USP34: variants seen among roughly 807,000 people sequenced by gnomAD.
USP34 encodes ubiquitin carboxyl-terminal hydrolase 34.
Under a neutral mutation model 460.3 loss-of-function variants are expected in USP34, and 70 were observed. The ratio of observed to expected loss-of-function variants is 0.15; its 90% CI spans 0.13 to 0.19. The LOEUF (loss-of-function observed/expected upper bound fraction) is 0.19. USP34 is among the 10% of genes least tolerant of loss of function. USP34 has a pLI of 1.00. For missense variants in USP34, 3,985 were observed against 4,236.2 expected, an observed-to-expected ratio of 0.94 and a Z score of 1.65; for synonymous variants, 1,647 against 1,405.3, an observed-to-expected ratio of 1.17 and a Z score of -3.85.
At chr2:61,431,875 GATAA>G (rs1337107106) in intron 1 of USP34, among the ~76,000 whole-genome samples, 1 of 151,794 alleles carries the variant, frequency 6.6e-6, no homozygotes, top group Admixed American at 6.6e-5. Flanking sequence ...ATAAATAAAA[GATAA>G]ATAAATAGCA....
intron 3 of USP34, among the ~76,000 whole-genome samples, chr2:61,399,680 G>T (rs889851628): frequency 6.6e-6 from 1 of 151,842 alleles, no homozygotes; most frequent in African/African-American, 2.4e-5. Flanking sequence ...AGATCACCCT[G>T]TCCAACACAG....
intron 23 of USP34, 66 bp from the exon 24 acceptor site, chr2:61,315,040 A>G (rs2103682301): frequency 8.3e-7 from 1 of 1,197,686 alleles, no homozygotes. Flanking sequence ...TTAAGACTGA[A>G]GTATCAAAAG....
At chr2:61,303,415 C>T (rs1690291525) in intron 27 of USP34, among the ~76,000 whole-genome samples, 1 of 152,004 alleles carries the variant, frequency 6.6e-6, no homozygotes, top group Non-Finnish European at 1.5e-5. Flanking sequence ...GATTTAGTGT[C>T]CTATTCATCA....
Position 61,470,954 on chromosome 2 carries a change from A to G in USP34, c.-262T>C, listed in dbSNP as rs1423664895. Among the ~76,000 whole-genome samples the G allele has an allele frequency of 5.0e-5, 2 of 39,928 alleles. No individual in the cohort carries two copies. Among genetic ancestry groups the G allele is most frequent in the African/African-American group, 1.0e-4 (1 of 9,862 alleles). The allele number at this position is 39,928 out of a possible 152,430, so 26.2% of individuals were successfully genotyped here. A position where few individuals can be genotyped will look rare whatever the true frequency, so the allele number is the denominator to read the frequency against. On this transcript the variant is annotated 5_prime_UTR_variant, in exon 1 of 80. Transcript: ENST00000398571. Reference sequence around the variant, plus strand: ...GGCGCCGAGGCGCCGGCGGCGGGGAAGGGGGGGAAGGACGGGGGGAGGGGA... The same window carrying G: ...GGCGCCGAGGCGCCGGCGGCGGGGAGGGGGGGGAAGGACGGGGGGAGGGGA...
intron 53 of USP34, among the ~76,000 whole-genome samples, chr2:61,239,612 G>T (rs558803036): frequency 1.3e-5 from 2 of 152,182 alleles, no homozygotes; most frequent in East Asian, 3.9e-4. Flanking sequence ...CAAATCTAAT[G>T]AAGCCATTTA....
At chr2:61,436,721 T>C (rs553079344) in intron 1 of USP34, among the ~76,000 whole-genome samples, 11 of 152,214 alleles carry the variant, frequency 7.2e-5, no homozygotes, top group African/African-American at 1.7e-4. Flanking sequence ...TTTCACCTAA[T>C]AGCAGCAGAA....
At chr2:61,378,239 G>C (rs1692853103) in intron 8 of USP34, 124 bp downstream of exon 8, 1 of 667,442 alleles carries the variant, frequency 1.5e-6, no homozygotes, top group African/African-American at 1.9e-5. Flanking sequence ...ATGAAGAACT[G>C]TACACAATGT....
intron 67 of USP34, among the ~76,000 whole-genome samples, chr2:61,217,357 T>C (rs979820893): frequency 3.9e-5 from 6 of 152,226 alleles, no homozygotes; most frequent in African/African-American, 9.6e-5. Flanking sequence ...CTTTTCTCTA[T>C]ATTAAAAGTT....
chr2:61,386,289 A>C (rs902897326), intron 5 of USP34, among the ~76,000 whole-genome samples: 2 of 152,174 alleles, frequency 1.3e-5, no homozygotes, highest in African/African-American at 4.8e-5. Context: ...CTGTGCAACA[A>C]AAGTAGAACT....
chr2:61,314,825 A>G (rs771661725), intron 24 of USP34, 50 bp downstream of exon 24: 1 of 1,594,940 alleles, frequency 6.3e-7, no homozygotes, highest in South Asian at 1.1e-5. Flanking sequence ...AGTTTCACAA[A>G]ACACCCTCAC....
chr2:61,406,020 C>T lies in USP34; in HGVS notation c.240G>A (p.Gln80=). 6.2e-7 allele frequency: 1 copy of T among 1,613,760 alleles called. No individual in the cohort carries two copies. The highest frequency in any genetic ancestry group is 8.5e-7 in the Non-Finnish European group (1 of 1,179,962). ...TAATGGTAGTACAATGTTTACAAAG[C>T]TGGTCCCGGAGCACTTGAACTTGGG... is the stretch of plus-strand genomic sequence containing the variant. The part of the protein sequence containing the change: ...VIAQVQVLRD[Q]LCKHCTTINI... The change falls in exon 3 of 80, where the codon CAG becomes CAA. Residue 80 remains glutamine, a synonymous_variant. Coordinates refer to ENST00000398571, the MANE Select transcript of USP34 (RefSeq NM_014709.4).
In USP34 at chr2:61,214,432, C is replaced by T. The variant is rs761171404; in HGVS notation, c.8310G>A (p.Leu2770=). 11 of 1,614,084 alleles carry T rather than the reference C, an allele frequency of 6.8e-6. No individual in the cohort carries two copies. In the African/African-American group the frequency reaches 1.1e-4, roughly 16 times the overall value. ...TYCLISKTEK[L]MFSTYFMDLW... is the part of the protein sequence containing the mutation. ...AATCCATGAAATATGTGGAAAACAT[C>T]AGCTTCTCAGTTTTGGAAATTAAAC... Residue 2770 remains leucine, a synonymous_variant, in exon 68 of 80, where the codon CTG becomes CTA. Coordinates refer to ENST00000398571, the MANE Select transcript of USP34 (RefSeq NM_014709.4).
chr2:61,264,942 C>T (rs1327528103), intron 43 of USP34, among the ~76,000 whole-genome samples: 1 of 152,088 alleles, frequency 6.6e-6, no homozygotes, highest in African/African-American at 2.4e-5. Flanking sequence ...TGAAGCAGAG[C>T]TTACACAAAC....
At chr2:61,442,406 C>CAAAAAAAAAA (rs70963430) in intron 1 of USP34, among the ~76,000 whole-genome samples, 1 of 121,432 alleles carries the variant, frequency 8.2e-6, no homozygotes, top group African/African-American at 3.1e-5. Context: ...ATCTTAACAG[C>CAAAAAAAAAA]AAAAAAAAAA....
At chr2:61,455,584 G>A (rs574383344) in intron 1 of USP34, among the ~76,000 whole-genome samples, 37 of 152,044 alleles carry the variant, frequency 2.4e-4, no homozygotes, top group Non-Finnish European at 3.2e-4. Context: ...ACCAGCCCAG[G>A]CAGCATACCA....
intron 37 of USP34, among the ~76,000 whole-genome samples, chr2:61,282,808 A>G (rs1011984495): frequency 1.3e-5 from 2 of 152,160 alleles, no homozygotes; most frequent in Non-Finnish European, 2.9e-5. Flanking sequence ...AAGAAAGAAA[A>G]AAAAAAGGCC....
Position 61,351,468 on chromosome 2 carries a change from A to G in USP34, c.1252-775T>C, listed in dbSNP as rs576404741. Among the ~76,000 whole-genome samples the G allele has an allele frequency of 4.5e-4, 51 of 112,236 alleles. No homozygotes were observed. In the South Asian group the frequency reaches 0.019, roughly 43 times the overall value. The allele number at this position is 112,236 out of a possible 152,430, so 73.6% of individuals were successfully genotyped here. ...ACTAAATATTATGTCATGTAAAATAAAAGTATTTTACAGCCATGAAGCTGC... is the reference window on the plus strand; with the variant it reads ...ACTAAATATTATGTCATGTAAAATAGAAGTATTTTACAGCCATGAAGCTGC... On this transcript the variant is annotated intron_variant, in intron 10 of 79. Transcript: ENST00000398571.
chr2:61,299,726 T>C (rs934728566), intron 29 of USP34, among the ~76,000 whole-genome samples: 1 of 152,162 alleles, frequency 6.6e-6, no homozygotes, highest in Non-Finnish European at 1.5e-5. Flanking sequence ...CACTGCAGCC[T>C]GGGTGACACA....
intron 10 of USP34, among the ~76,000 whole-genome samples, chr2:61,353,228 A>G (rs1352413477): frequency 6.6e-6 from 1 of 152,208 alleles, no homozygotes; most frequent in Non-Finnish European, 1.5e-5. Flanking sequence ...CTGGTGAGGT[A>G]CAGGCACAGA....
Sources: allele counts gnomAD v4.1 joint callset (sites outside exome capture counted in the v4.1 genomes callset), GRCh38; gene constraint gnomAD v4.1.1; transcripts MANE v1.5; gene names NCBI Gene and HGNC (gene_info 2026-07-23, HGNC 2026-07-21).